The following CTNNA1 variants were observed in gnomAD, a reference collection of about 807,000 sequenced individuals.
CTNNA1 encodes the protein catenin alpha 1, also known as catenin alpha-1.
A neutral mutation model predicts 98.4 loss-of-function variants in CTNNA1; 37 were observed. The observed-to-expected ratio is 0.38, with a 90% CI of 0.29 to 0.49. The LOEUF (loss-of-function observed/expected upper bound fraction) is 0.49. CTNNA1 is among the 20% of genes least tolerant of loss of function. The probability of loss-of-function intolerance (pLI) is 0.95; values close to 1 mark genes in which losing one functional copy is unlikely to be tolerated. For synonymous variants in CTNNA1, 404 were observed against 413.2 expected (o/e 0.98, Z 0.27); for missense variants, 761 against 1,147.2 (o/e 0.66, Z 4.86).
intron 5 of CTNNA1, among the ~76,000 whole-genome samples, chr5:138,820,818 A>G (rs80115685): frequency 0.01 from 1,545 of 152,210 alleles, 29 homozygotes; most frequent in African/African-American, 0.035. Context: ...GTAAACATAA[A>G]CTCATTTAAT....
chr5:138,926,885 C>T (rs961571367), intron 13 of CTNNA1, among the ~76,000 whole-genome samples: 1 of 152,204 alleles, frequency 6.6e-6, no homozygotes, highest in Non-Finnish European at 1.5e-5. Context: ...CCACACCTGT[C>T]TGCGCACCTT....
chr5:138,924,295 T>A (rs1280247703), intron 11 of CTNNA1, among the ~76,000 whole-genome samples: 103 of 139,570 alleles, frequency 7.4e-4, no homozygotes, highest in Middle Eastern at 3.8e-3. Context: ...TTTTTTTTTT[T>A]AAAAACCTGG....
intron 3 of CTNNA1, among the ~76,000 whole-genome samples, chr5:138,807,873 G>A (rs989950427): frequency 5.9e-5 from 9 of 151,782 alleles, no homozygotes; most frequent in South Asian, 2.1e-4. Context: ...TCAGCCTCCC[G>A]AGTAGCTGGG....
chr5:138,830,875 A>T (rs1761210636), intron 7 of CTNNA1, among the ~76,000 whole-genome samples: 1 of 152,172 alleles, frequency 6.6e-6, no homozygotes, highest in Non-Finnish European at 1.5e-5. Context: ...GGTTGAGGTT[A>T]TTTCTATCTG....
At chr5:138,760,369 T>C (rs1265123074) in intron 1 of CTNNA1, among the ~76,000 whole-genome samples, 1 of 87,192 alleles carries the variant, frequency 1.1e-5, no homozygotes, top group Non-Finnish European at 2.5e-5. Flanking sequence ...TATCCATTCA[T>C]ACTTTTTTTT....
chr5:138,758,855 T>C (rs917189733), intron 1 of CTNNA1, among the ~76,000 whole-genome samples: 2 of 152,024 alleles, frequency 1.3e-5, no homozygotes, highest in African/African-American at 4.8e-5. Context: ...TTGCCCGGAC[T>C]GGAGTGCAAT....
chr5:138,830,348 C>T lies in CTNNA1; in HGVS notation c.1062+2630C>T, dbSNP rs529854365. ...CTGCACTCCAGCCTGGGCGACAGAG[C>T]GAGATTCTGTCTCAAAAACAAAAAA... On this transcript the variant is annotated intron_variant, in intron 7 of 17. Coordinates refer to ENST00000302763, the MANE Select transcript of CTNNA1 (RefSeq NM_001903.5). Among the ~76,000 whole-genome samples, 9 of 152,202 alleles carry T rather than the reference C, an allele frequency of 5.9e-5. No individual in the cohort carries two copies. The South Asian group carries it at 6.2e-4, about 11-fold the overall frequency.
In CTNNA1 at chr5:138,838,675, T is replaced by C. The variant is rs1581219647; in HGVS notation, c.1062+10957T>C. On this transcript the variant is annotated intron_variant, in intron 7 of 17. Transcript: ENST00000302763. ...TTAGGTTATTGACTTGAGACCTTTC[T>C]TCTTTGTGTAAAGATATAGTGGTAT... Among the ~76,000 whole-genome samples the C allele has an allele frequency of 3.3e-5, 5 of 152,354 alleles. No homozygotes were observed. The South Asian group carries it at 1.0e-3, about 32-fold the overall frequency.
chr5:138,807,749 T>C (rs1420877987), intron 3 of CTNNA1, among the ~76,000 whole-genome samples: 4 of 151,744 alleles, frequency 2.6e-5, no homozygotes, highest in Non-Finnish European at 5.9e-5. Context: ...AAGACAGTAT[T>C]TATATATATA....
At chr5:138,884,370 G>A (rs1352145240) in intron 7 of CTNNA1, among the ~76,000 whole-genome samples, 1 of 152,178 alleles carries the variant, frequency 6.6e-6, no homozygotes, top group Non-Finnish European at 1.5e-5. Context: ...TCAGATATTA[G>A]ATGGCAAATC....
At position 138,934,188 on chromosome 5, in the gene CTNNA1, T is replaced by C; in HGVS notation, c.*99T>C. Reference sequence around the variant, plus strand: ...TGCTAAATACAACACTGATACTAGATTCCACAGGGAAATGGGCAGACTGAA... The same window carrying C: ...TGCTAAATACAACACTGATACTAGACTCCACAGGGAAATGGGCAGACTGAA... On this transcript the variant is annotated 3_prime_UTR_variant, in exon 18 of 18. Transcript: ENST00000302763. 1.2e-6 allele frequency: 1 copy of C among 865,378 alleles called. No homozygotes were observed. Among genetic ancestry groups the C allele is most frequent in the Non-Finnish European group, 1.8e-6 (1 of 561,822 alleles). 53.6% of individuals were successfully genotyped at this position (865,378 alleles called of 1,614,324 possible).
chr5:138,777,594 G>A (rs1456752103), intron 1 of CTNNA1, among the ~76,000 whole-genome samples: 4 of 151,254 alleles, frequency 2.6e-5, no homozygotes, highest in Admixed American at 6.6e-5. Context: ...ACCAGACTCC[G>A]TCTGCAATCC....
intron 10 of CTNNA1, among the ~76,000 whole-genome samples, chr5:138,917,394 C>T (rs890133022): frequency 1.1e-4 from 16 of 152,034 alleles, no homozygotes; most frequent in African/African-American, 3.4e-4. Flanking sequence ...TCAGTATAGT[C>T]CATTTTAAGT....
intron 5 of CTNNA1, among the ~76,000 whole-genome samples, chr5:138,819,685 G>A (rs1321641479): frequency 6.6e-6 from 1 of 152,154 alleles, no homozygotes; most frequent in Non-Finnish European, 1.5e-5. Context: ...TCAGGGCACC[G>A]CTTCAAGTTG....
intron 7 of CTNNA1, among the ~76,000 whole-genome samples, chr5:138,841,675 A>G (rs1253211338): frequency 2.0e-5 from 3 of 152,252 alleles, no homozygotes; most frequent in African/African-American, 7.2e-5. Context: ...ATTTGGAAAC[A>G]TAAGGAAGAT....
chr5:138,789,371 C>G (rs1756091733), intron 3 of CTNNA1, among the ~76,000 whole-genome samples: 1 of 152,154 alleles, frequency 6.6e-6, no homozygotes, highest in South Asian at 2.1e-4. Context: ...GAAAAATAGA[C>G]TGTGCAAGAT....
At chr5:138,768,853 CAG>C (rs776284820) in intron 1 of CTNNA1, among the ~76,000 whole-genome samples, 2 of 152,066 alleles carry the variant, frequency 1.3e-5, no homozygotes, top group Non-Finnish European at 2.9e-5. Context: ...GTTACAAAGA[CAG>C]AATGGTCTTT....
At chr5:138,897,001 T>A (rs1287499826) in intron 9 of CTNNA1, among the ~76,000 whole-genome samples, 8 of 152,244 alleles carry the variant, frequency 5.3e-5, no homozygotes, top group Non-Finnish European at 1.2e-4. Flanking sequence ...TTCAATTTTG[T>A]GAATTGAGAG....
chr5:138,927,497 C>T (rs1764346478), intron 13 of CTNNA1, among the ~76,000 whole-genome samples: 1 of 147,350 alleles, frequency 6.8e-6, no homozygotes, highest in South Asian at 2.3e-4. Flanking sequence ...TCCTTGAGAG[C>T]ACCTTCTCGT....
Sources: allele counts gnomAD v4.1 joint callset (sites outside exome capture counted in the v4.1 genomes callset), GRCh38; gene constraint gnomAD v4.1.1; transcripts MANE v1.5; gene names NCBI Gene and HGNC (gene_info 2026-07-23, HGNC 2026-07-21).